The following YES1 variants were observed in gnomAD, a reference collection of about 807,000 sequenced individuals.
YES1 encodes YES proto-oncogene 1, Src family tyrosine kinase, also known as tyrosine-protein kinase Yes.
Under a neutral mutation model 70.4 loss-of-function variants are expected in YES1, and 39 were observed. That is an observed-to-expected ratio of 0.55 (90% CI 0.43 to 0.72). The LOEUF (loss-of-function observed/expected upper bound fraction) is 0.72, where lower values mean the gene tolerates loss of function less well. Ranked by LOEUF, YES1 falls within the 30% of genes least tolerant of loss-of-function variation. The pLI, the probability that YES1 is intolerant of heterozygous loss-of-function variation, is 0.00. For missense variants in YES1, 495 were observed against 644.8 expected (o/e 0.77, Z 2.52); for synonymous variants, 198 against 218.6 (o/e 0.91, Z 0.83).
chr18:757,591 C>A (rs886464376), intron 1 of YES1, among the ~76,000 whole-genome samples: 1 of 151,378 alleles, frequency 6.6e-6, no homozygotes, highest in Admixed American at 6.6e-5. Flanking sequence ...GATGCCTAGG[C>A]GGACCGATCA....
At chr18:809,810 T>G (rs963659919) in intron 1 of YES1, among the ~76,000 whole-genome samples, 1 of 151,962 alleles carries the variant, frequency 6.6e-6, no homozygotes, top group Non-Finnish European at 1.5e-5. Flanking sequence ...TAGAAACAGA[T>G]TCTGCACACA....
chr18:807,112 A>C (rs938352821), intron 1 of YES1, among the ~76,000 whole-genome samples: 2 of 152,116 alleles, frequency 1.3e-5, no homozygotes. Flanking sequence ...TCTCCAAAAA[A>C]TTCAAAAATT....
intron 1 of YES1, among the ~76,000 whole-genome samples, chr18:795,059 T>C (rs1394430475): frequency 1.3e-5 from 2 of 152,178 alleles, no homozygotes; most frequent in African/African-American, 4.8e-5. Flanking sequence ...GTGATCCGCC[T>C]GCCTTGGCCT....
At chr18:768,029 A>G (rs777592175) in intron 1 of YES1, among the ~76,000 whole-genome samples, 2 of 152,126 alleles carry the variant, frequency 1.3e-5, no homozygotes, top group Non-Finnish European at 2.9e-5. Context: ...ATTGCTTTAA[A>G]TACTCTAGGG....
chr18:752,252 C>T (rs1340985663), intron 2 of YES1, among the ~76,000 whole-genome samples: 1 of 152,174 alleles, frequency 6.6e-6, no homozygotes, highest in East Asian at 1.9e-4. Flanking sequence ...GGATTACAGG[C>T]ATGTGCCGCC....
rs57896154 is a variant in YES1, at chr18:804,609, C to CAAA, written c.-9+7502_-9+7504dup. Among the ~76,000 whole-genome samples, 169 of 38,706 alleles carry CAAA rather than the reference C, an allele frequency of 4.4e-3. 6 individuals carry two copies. Among genetic ancestry groups the CAAA allele is most frequent in the African/African-American group, 0.015 (142 of 9,764 alleles). 25.4% of individuals were successfully genotyped at this position (38,706 alleles called of 152,430 possible). The stretch of plus-strand genomic sequence containing the variant: ...TGGGCAATAGAGTGAGACTGAGTCT[C>CAAA]AAAAAAAAAAAAAAAAAAAAAGGCC... On this transcript the variant is annotated intron_variant, in intron 1 of 11. Transcript: ENST00000314574.
At chr18:783,107 G>A (rs545411798) in intron 1 of YES1, among the ~76,000 whole-genome samples, 3 of 152,144 alleles carry the variant, frequency 2.0e-5, no homozygotes, top group Non-Finnish European at 2.9e-5. Flanking sequence ...ATAGCCACTA[G>A]GTTTGGTGGC....
chr18:777,305 G>T (rs1905431934), intron 1 of YES1, among the ~76,000 whole-genome samples: 1 of 151,974 alleles, frequency 6.6e-6, no homozygotes, highest in South Asian at 2.1e-4. Context: ...TAATTTTGTT[G>T]GAAAAATAAA....
intron 8 of YES1, among the ~76,000 whole-genome samples, chr18:741,242 C>CTTTTTTTTTTT (rs559380772): frequency 6.9e-6 from 1 of 144,544 alleles, no homozygotes; most frequent in Non-Finnish European, 1.5e-5. Context: ...TCCTTTTCTC[C>CTTTTTTTTTTT]TTTTTTTTTT....
chr18:757,612 G>C (rs966355579), intron 1 of YES1, among the ~76,000 whole-genome samples: 1 of 151,966 alleles, frequency 6.6e-6, no homozygotes, highest in East Asian at 1.9e-4. Flanking sequence ...CTTGAGGTCA[G>C]GAGTTCAAGA....
At chr18:772,742 T>C (rs767807170) in intron 1 of YES1, among the ~76,000 whole-genome samples, 4 of 152,160 alleles carry the variant, frequency 2.6e-5, no homozygotes, top group Admixed American at 6.6e-5. Context: ...AGCATCTCTA[T>C]TTCTGTATTT....
At chr18:779,757 T>C (rs137958686) in intron 1 of YES1, among the ~76,000 whole-genome samples, 127 of 152,352 alleles carry the variant, frequency 8.3e-4, no homozygotes, top group African/African-American at 2.9e-3. Context: ...GTCAAGATTT[T>C]TGACCAGCAA....
At chr18:730,183 T>G (rs1395444751) in intron 11 of YES1, among the ~76,000 whole-genome samples, 2 of 152,024 alleles carry the variant, frequency 1.3e-5, no homozygotes, top group Non-Finnish European at 2.9e-5. Flanking sequence ...TAGCGTATTC[T>G]CCAACATCTA....
At chr18:746,112 G>T in intron 4 of YES1, 61 bp from the exon 5 acceptor site, 2 of 1,262,854 alleles carry the variant, frequency 1.6e-6, no homozygotes, top group Non-Finnish European at 2.3e-6. Context: ...TTATACAGAA[G>T]TGTCAGTAAG....
At chr18:791,181 C>T (rs1297816830) in intron 1 of YES1, among the ~76,000 whole-genome samples, 6 of 149,020 alleles carry the variant, frequency 4.0e-5, no homozygotes, top group African/African-American at 5.0e-5. Flanking sequence ...GTCCAGGAGG[C>T]GGAGGTTGCA....
chr18:757,094 T>C (rs550719664), intron 1 of YES1, among the ~76,000 whole-genome samples: 5 of 152,190 alleles, frequency 3.3e-5, no homozygotes, highest in East Asian at 1.9e-4. Context: ...CCACAGTATA[T>C]TGGGAAAAAA....
intron 6 of YES1, among the ~76,000 whole-genome samples, chr18:744,438 G>A (rs191966630): frequency 6.7e-6 from 1 of 148,930 alleles, no homozygotes; most frequent in African/African-American, 2.5e-5. Flanking sequence ...CGCCCAGGAT[G>A]GAGTGCAGTG....
At position 807,207 on chromosome 18, in the gene YES1, G is replaced by A. The variant is rs181734350; in HGVS notation, c.-9+4907C>T. On this transcript the variant is annotated intron_variant, in intron 1 of 11. Coordinates refer to ENST00000314574, the MANE Select transcript of YES1 (RefSeq NM_005433.4). Reference sequence around the variant, plus strand: ...AAATTAGCCGGGCGTGGTGGTGCACGCTTGCAATCCCAGCTACTCGGGAGG... The same window carrying A: ...AAATTAGCCGGGCGTGGTGGTGCACACTTGCAATCCCAGCTACTCGGGAGG... 1.8e-3 allele frequency among the ~76,000 whole-genome samples: 275 copies of A among 152,016 alleles called. 1 individual carries two copies. The highest frequency in any genetic ancestry group is 1.6e-3 in the Non-Finnish European group (110 of 67,978).
chr18:775,002 G>C (rs572302694), intron 1 of YES1: 1 of 152,192 alleles, frequency 6.6e-6, no homozygotes, highest in Non-Finnish European at 1.5e-5. Flanking sequence ...GAACAGTTAA[G>C]AGCATAGAGG....
Sources: gnomAD v4.1 joint callset for allele counts (sites outside exome capture counted in the v4.1 genomes callset) on GRCh38, gnomAD v4.1.1 for gene constraint, MANE v1.5 for transcripts, NCBI Gene and HGNC (gene_info 2026-07-23, HGNC 2026-07-21) for gene names.